Variants in ZFPM2 observed in about 807,000 individuals in gnomAD.
ZFPM2 encodes the protein zinc finger protein, FOG family member 2.
In ZFPM2, 20 loss-of-function variants were observed where a neutral mutation model predicts 98.6. The ratio of observed to expected loss-of-function variants is 0.20; its 90% CI spans 0.14 to 0.29. The LOEUF is 0.29. Among genes scored for constraint, ZFPM2 ranks in the 10% least tolerant of loss-of-function variants. The pLI is 1.00. For synonymous variants in ZFPM2, 518 were observed against 502.7 expected (o/e 1.03, Z -0.41); for missense variants, 1,310 against 1,388.6 (o/e 0.94, Z 0.90).
intron 3 of ZFPM2, among the ~76,000 whole-genome samples, chr8:105,547,853 G>A (rs879480279): frequency 4.6e-5 from 7 of 151,832 alleles, no homozygotes; most frequent in African/African-American, 1.2e-4. Context: ...TTTGGTGTTC[G>A]TAAGCAACAT....
intron 7 of ZFPM2, 75 bp from the exon 8 acceptor site, chr8:105,800,972 C>T: frequency 2.2e-6 from 3 of 1,358,654 alleles, no homozygotes; most frequent in Non-Finnish European, 3.0e-6. Flanking sequence ...AACATTAGGT[C>T]ATTAGAAAAG....
intron 3 of ZFPM2, among the ~76,000 whole-genome samples, chr8:105,519,100 T>C (rs2130539442): frequency 6.6e-6 from 1 of 152,274 alleles, no homozygotes; most frequent in South Asian, 2.1e-4. Flanking sequence ...ATGGGATGTG[T>C]ACAAACAGCA....
At chr8:105,328,874 T>C (rs1376011336) in intron 1 of ZFPM2, among the ~76,000 whole-genome samples, 2 of 151,812 alleles carry the variant, frequency 1.3e-5, no homozygotes, top group African/African-American at 2.4e-5. Flanking sequence ...TTTGGAAATA[T>C]TGGGCCTCCC....
At chr8:105,497,915 A>G (rs1813507476) in intron 3 of ZFPM2, among the ~76,000 whole-genome samples, 1 of 150,036 alleles carries the variant, frequency 6.7e-6, no homozygotes, top group Non-Finnish European at 1.5e-5. Context: ...GGCCAGGCAC[A>G]GTGGCTCATG....
At chr8:105,421,531 G>A (rs1017035077) in intron 2 of ZFPM2, among the ~76,000 whole-genome samples, 3 of 152,136 alleles carry the variant, frequency 2.0e-5, no homozygotes, top group Non-Finnish European at 4.4e-5. Context: ...GAAGTCAGTT[G>A]GAACTGGTAG....
chr8:105,568,817 ACTCACCTCCCCAGGTGATGCTCACCTCCC>A (rs1815295506), intron 4 of ZFPM2, among the ~76,000 whole-genome samples: 1 of 151,712 alleles, frequency 6.6e-6, no homozygotes, highest in South Asian at 2.1e-4. Context: ...CCTTCCTGTT[ACTCACCTCCCCAGGTGATGCTCACCTCCC>A]CAGTTCTGAC....
intron 1 of ZFPM2, among the ~76,000 whole-genome samples, chr8:105,323,583 G>T (rs1056802839): frequency 6.6e-6 from 1 of 151,772 alleles, no homozygotes; most frequent in African/African-American, 2.4e-5. Flanking sequence ...ATAATTTCCT[G>T]ATTTATGAAT....
At chr8:105,533,875 CCCTTCTT>C (rs1411738158) in intron 3 of ZFPM2, among the ~76,000 whole-genome samples, 14 of 26,378 alleles carry the variant, frequency 5.3e-4, no homozygotes, top group African/African-American at 3.2e-3. Context: ...CTCCCTCCCT[CCCTTCTT>C]TCCTTCCTTC....
chr8:105,521,570 A>G (rs1468039502), intron 3 of ZFPM2, among the ~76,000 whole-genome samples: 1 of 151,756 alleles, frequency 6.6e-6, no homozygotes, highest in Non-Finnish European at 1.5e-5. Context: ...ATAATAATAC[A>G]ATGTGAAACT....
At chr8:105,796,239 G>A (rs1385975555) in intron 6 of ZFPM2, among the ~76,000 whole-genome samples, 1 of 152,186 alleles carries the variant, frequency 6.6e-6, no homozygotes, top group Non-Finnish European at 1.5e-5. Flanking sequence ...TGAGGCAAAA[G>A]AATTTTATTG....
Position 105,704,576 on chromosome 8 carries a change from G to A in ZFPM2, c.532+70219G>A, listed in dbSNP as rs1442334. 1.7e-3 allele frequency among the ~76,000 whole-genome samples: 266 copies of A among 152,192 alleles called. 3 individuals are homozygous for A. In the East Asian group the frequency reaches 0.043, roughly 24 times the overall value. On this transcript the variant is annotated intron_variant, in intron 5 of 7. Transcript: ENST00000407775. ...AGGAATATTATCAAAATATGTGGGC[G>A]ATTCAAGCTAGCCAAGTTTAGCTTG... is the stretch of plus-strand genomic sequence containing the variant.
At position 105,802,958 on chromosome 8, in the gene ZFPM2, G is replaced by A. The variant is rs1389965640; in HGVS notation, c.2876G>A (p.Arg959Lys). Residue 959 changes from arginine (R) to lysine (K), a missense_variant, in exon 8 of 8, where the codon AGA becomes AAA. Transcript: ENST00000407775. ...AQLIATKEEN[R>K]HLFLPQCLYP... is the part of the protein sequence containing the mutation. Reference sequence around the variant, plus strand: ...CTCATTGCTACAAAAGAAGAAAACAGACATTTGTTTCTTCCACAATGCCTT... The same window carrying A: ...CTCATTGCTACAAAAGAAGAAAACAAACATTTGTTTCTTCCACAATGCCTT... The A allele has an allele frequency of 6.2e-7, 1 of 1,612,736 alleles. No individual in the cohort carries two copies. The highest frequency in any genetic ancestry group is 8.5e-7 in the Non-Finnish European group (1 of 1,179,426).
chr8:105,389,882 A>G (rs1334424490), intron 1 of ZFPM2, among the ~76,000 whole-genome samples: 2 of 152,224 alleles, frequency 1.3e-5, no homozygotes, highest in Admixed American at 6.5e-5. Context: ...ATAAGGAGAA[A>G]TGAGAGCCTT....
chr8:105,792,952 A>T (rs936557162), intron 6 of ZFPM2, among the ~76,000 whole-genome samples: 19 of 151,882 alleles, frequency 1.3e-4, no homozygotes, highest in African/African-American at 4.1e-4. Context: ...ATCTTCCTCC[A>T]TCCTTTTATT....
intron 1 of ZFPM2, among the ~76,000 whole-genome samples, chr8:105,337,591 A>G (rs1483512761): frequency 6.6e-6 from 1 of 151,834 alleles, no homozygotes; most frequent in Non-Finnish European, 1.5e-5. Flanking sequence ...TACATTATGA[A>G]TAATAAGTCA....
At chr8:105,400,062 CT>C (rs1483950872) in intron 1 of ZFPM2, among the ~76,000 whole-genome samples, 14 of 152,100 alleles carry the variant, frequency 9.2e-5, no homozygotes, top group African/African-American at 3.4e-4. Flanking sequence ...GCCACTGCCC[CT>C]GGCCTTTGTG....
Position 105,636,633 on chromosome 8 carries a change from C to A in ZFPM2, c.532+2276C>A, listed in dbSNP as rs562335357. 5.9e-5 allele frequency among the ~76,000 whole-genome samples: 9 copies of A among 152,210 alleles called. No individual in the cohort carries two copies. In the East Asian group the frequency reaches 1.7e-3, roughly 29 times the overall value. ...ATTGTGTCTTAGTCACCTTTCTATT[C>A]CTGGTCTGGCATGCTACCTGTACAA... On this transcript the variant is annotated intron_variant, in intron 5 of 7. Transcript: ENST00000407775.
intron 1 of ZFPM2, among the ~76,000 whole-genome samples, chr8:105,339,637 A>T (rs1481112402): frequency 1.3e-5 from 2 of 151,902 alleles, no homozygotes; most frequent in African/African-American, 4.8e-5. Flanking sequence ...CTGCATCTGC[A>T]AACAGACGCC....
intron 1 of ZFPM2, among the ~76,000 whole-genome samples, chr8:105,321,177 T>G (rs1318389620): frequency 1.3e-5 from 2 of 152,208 alleles, no homozygotes; most frequent in African/African-American, 4.8e-5. Flanking sequence ...TTAAAGTCAT[T>G]TTAGTTGCAA....
Sources: allele counts gnomAD v4.1 joint callset (sites outside exome capture counted in the v4.1 genomes callset), GRCh38; gene constraint gnomAD v4.1.1; transcripts MANE v1.5; gene names NCBI Gene and HGNC (gene_info 2026-07-23, HGNC 2026-07-21).